NXPE4: variants seen among roughly 807,000 people sequenced by gnomAD.
The protein encoded by NXPE4 is NXPE family member 4.
A neutral mutation model predicts 33.3 loss-of-function variants in NXPE4; 42 were observed. That is an observed-to-expected ratio of 1.26 (90% CI 0.98 to 1.63). The LOEUF (loss-of-function observed/expected upper bound fraction) is 1.63, where lower values mean the gene tolerates loss of function less well. Among genes scored for constraint, NXPE4 ranks in the 40% most tolerant of loss-of-function variants. The probability of loss-of-function intolerance (pLI) is 0.00; values close to 1 mark genes in which losing one functional copy is unlikely to be tolerated. For missense variants in NXPE4, 709 were observed against 647.6 expected, an observed-to-expected ratio of 1.09 and a Z score of -1.03; for synonymous variants, 253 against 234.9, an observed-to-expected ratio of 1.08 and a Z score of -0.71.
At chr11:114,663,979 G>C in the NXPE4 span, among the ~76,000 whole-genome samples, 164 of 152,224 alleles carry the variant, frequency 1.1e-3, no homozygotes, top group African/African-American at 3.9e-3. Flanking sequence ...CTTCAAAACA[G>C]TTTGACAGTT....
chr11:114,615,078 C>T, the NXPE4 span, among the ~76,000 whole-genome samples: 1 of 151,866 alleles, frequency 6.6e-6, no homozygotes, highest in Non-Finnish European at 1.5e-5. Context: ...CAATTCTTAC[C>T]CTGTGGAAAA....
At chr11:114,653,726 C>G in the NXPE4 span, among the ~76,000 whole-genome samples, 2 of 152,014 alleles carry the variant, frequency 1.3e-5, no homozygotes, top group Admixed American at 6.5e-5. Flanking sequence ...GACAGGGTTT[C>G]ACTGTGTTAG....
At position 114,589,393 on chromosome 11, in the gene NXPE4, A is replaced by G. The variant is rs75359327; in HGVS notation, c.96+5271T>C. 9.3e-3 allele frequency among the ~76,000 whole-genome samples: 1,418 copies of G among 152,292 alleles called. 22 individuals carry two copies. The highest frequency in any genetic ancestry group is 0.032 in the African/African-American group (1,346 of 41,564). ...CCAGAGCCAGCCTCTTTTCTCCTCTATAATCGAGGCCTCCCCTTTTCCCAT... is the reference window on the plus strand; with the variant it reads ...CCAGAGCCAGCCTCTTTTCTCCTCTGTAATCGAGGCCTCCCCTTTTCCCAT... On this transcript the variant is annotated intron_variant, in intron 2 of 5. Coordinates refer to ENST00000375478, the MANE Select transcript of NXPE4 (RefSeq NM_001077639.2).
chr11:114,625,756 T>G, the NXPE4 span, among the ~76,000 whole-genome samples: 1 of 152,168 alleles, frequency 6.6e-6, no homozygotes, highest in Non-Finnish European at 1.5e-5. Flanking sequence ...CATTTCCATC[T>G]GAGGTACCAG....
At chr11:114,578,168 A>G (rs755943771) in intron 5 of NXPE4, among the ~76,000 whole-genome samples, 2 of 152,198 alleles carry the variant, frequency 1.3e-5, no homozygotes, top group Non-Finnish European at 2.9e-5. Flanking sequence ...GCAAAGGGCT[A>G]CATTTGAAGA....
the NXPE4 span, among the ~76,000 whole-genome samples, chr11:114,636,758 T>C: frequency 6.6e-6 from 1 of 152,106 alleles, no homozygotes; most frequent in Admixed American, 6.5e-5. Flanking sequence ...TCAGTTTCCA[T>C]GTAGTTGAGT....
chr11:114,576,988 T>TG (rs1949008189), intron 5 of NXPE4, among the ~76,000 whole-genome samples: 2 of 114,704 alleles, frequency 1.7e-5, no homozygotes, highest in African/African-American at 7.4e-5. Flanking sequence ...TATATATATA[T>TG]ATACATATAT....
the NXPE4 span, among the ~76,000 whole-genome samples, chr11:114,621,519 G>A: frequency 6.6e-6 from 1 of 152,176 alleles, no homozygotes; most frequent in South Asian, 2.1e-4. Flanking sequence ...ATTGCCTCGT[G>A]TGTAACCACT....
chr11:114,611,426 A>T, the NXPE4 span, among the ~76,000 whole-genome samples: 19 of 117,014 alleles, frequency 1.6e-4, no homozygotes, highest in East Asian at 8.0e-4. Context: ...TATTGCCTCT[A>T]GGGTAATCAC....
At chr11:114,635,425 C>T in the NXPE4 span, among the ~76,000 whole-genome samples, 4 of 151,520 alleles carry the variant, frequency 2.6e-5, no homozygotes, top group African/African-American at 9.7e-5. Context: ...GACAATTTGA[C>T]TTCCTCTTTT....
At chr11:114,636,204 G>A in the NXPE4 span, among the ~76,000 whole-genome samples, 3 of 152,134 alleles carry the variant, frequency 2.0e-5, no homozygotes, top group African/African-American at 7.2e-5. Flanking sequence ...GGGTGTATGT[G>A]TCGAGGAATT....
chr11:114,591,626 GC>G (rs1949456415), intron 2 of NXPE4, among the ~76,000 whole-genome samples: 1 of 152,148 alleles, frequency 6.6e-6, no homozygotes, highest in African/African-American at 2.4e-5. Context: ...ATACTTTCCA[GC>G]CCTCAGGATG....
the NXPE4 span, among the ~76,000 whole-genome samples, chr11:114,639,835 A>G: frequency 3.0e-3 from 334 of 109,892 alleles, 2 homozygotes; most frequent in African/African-American, 0.014. Flanking sequence ...TATATATTAT[A>G]TTAAATATAA....
At chr11:114,585,262 A>C (rs1949264435) in intron 2 of NXPE4, among the ~76,000 whole-genome samples, 2 of 151,708 alleles carry the variant, frequency 1.3e-5, no homozygotes, top group African/African-American at 2.4e-5. Context: ...GTTTTGAGAT[A>C]CTATTTTTAT....
At chr11:114,597,571 A>G (rs1027749035), upstream of NXPE4, among the ~76,000 whole-genome samples, 3 of 152,194 alleles carry the variant, frequency 2.0e-5, no homozygotes, top group African/African-American at 2.4e-5. Context: ...AGCTCTGTCC[A>G]TAGAGAAGCC....
At chr11:114,610,666 T>C in the NXPE4 span, among the ~76,000 whole-genome samples, 3 of 152,014 alleles carry the variant, frequency 2.0e-5, no homozygotes, top group East Asian at 1.9e-4. Flanking sequence ...CGGTGGATAA[T>C]ACATGTTGCC....
At chr11:114,611,681 G>C in the NXPE4 span, among the ~76,000 whole-genome samples, 7 of 151,900 alleles carry the variant, frequency 4.6e-5, no homozygotes, top group African/African-American at 1.7e-4. Context: ...TGCCTCGTGG[G>C]TAACCACTGT....
chr11:114,629,829 G>A, the NXPE4 span, among the ~76,000 whole-genome samples: 6 of 150,014 alleles, frequency 4.0e-5, no homozygotes, highest in Non-Finnish European at 7.4e-5. Flanking sequence ...AAAGTCTCAG[G>A]ATACAAAATC....
the NXPE4 span, among the ~76,000 whole-genome samples, chr11:114,641,198 A>G: frequency 6.6e-6 from 1 of 152,026 alleles, no homozygotes; most frequent in Non-Finnish European, 1.5e-5. Context: ...ATAATCAAGA[A>G]GGAATATAGA....
Sources: allele counts gnomAD v4.1 joint callset (sites outside exome capture counted in the v4.1 genomes callset), GRCh38; gene constraint gnomAD v4.1.1; transcripts MANE v1.5; gene names NCBI Gene and HGNC (gene_info 2026-07-23, HGNC 2026-07-21).